SMOC2: variants seen among roughly 807,000 people sequenced by gnomAD.
SMOC2 encodes SPARC-related modular calcium-binding protein 2.
In SMOC2, 39 loss-of-function variants were observed where a neutral mutation model predicts 61.4. The ratio of observed to expected loss-of-function variants is 0.64; its 90% CI spans 0.49 to 0.83. The LOEUF (loss-of-function observed/expected upper bound fraction) is 0.83, where lower values mean the gene tolerates loss of function less well. Ranked by LOEUF, SMOC2 falls within the 40% of genes least tolerant of loss-of-function variation. The probability of loss-of-function intolerance (pLI) is 0.00; values close to 1 mark genes in which losing one functional copy is unlikely to be tolerated. For missense variants in SMOC2, 556 were observed against 592.9 expected, an observed-to-expected ratio of 0.94 and a Z score of 0.65; for synonymous variants, 247 against 239.9, an observed-to-expected ratio of 1.03 and a Z score of -0.27.
chr6:168,569,718 A>G (rs1784622654), intron 7 of SMOC2, among the ~76,000 whole-genome samples: 1 of 152,206 alleles, frequency 6.6e-6, no homozygotes, highest in African/African-American at 2.4e-5. Context: ...TGCTGGGATT[A>G]CAGGTACGAG....
At chr6:168,543,732 T>C (rs1237827170) in intron 5 of SMOC2, 60 bp downstream of exon 5, 4 of 1,496,336 alleles carry the variant, frequency 2.7e-6, no homozygotes, top group Non-Finnish European at 3.7e-6. Flanking sequence ...TCCCGTGAAA[T>C]AACTTCTCAA....
At chr6:168,595,334 A>G (rs1180672328) in intron 7 of SMOC2, among the ~76,000 whole-genome samples, 1 of 152,126 alleles carries the variant, frequency 6.6e-6, no homozygotes, top group African/African-American at 2.4e-5. Context: ...CAAGACGGAA[A>G]TCTCCCGTGC....
chr6:168,496,971 G>A (rs1265965692), intron 1 of SMOC2, among the ~76,000 whole-genome samples: 1 of 152,230 alleles, frequency 6.6e-6, no homozygotes, highest in Non-Finnish European at 1.5e-5. Context: ...TCCTCCAGGC[G>A]AGGGGAAGAT....
chr6:168,467,127 G>T (rs1192184314), intron 1 of SMOC2, among the ~76,000 whole-genome samples: 1 of 131,570 alleles, frequency 7.6e-6, no homozygotes, highest in African/African-American at 2.9e-5. Flanking sequence ...TAACAAATCA[G>T]TGCTCTCAAA....
intron 1 of SMOC2, among the ~76,000 whole-genome samples, chr6:168,509,498 T>C (rs1782954833): frequency 6.6e-6 from 1 of 152,192 alleles, no homozygotes; most frequent in South Asian, 2.1e-4. Flanking sequence ...ACATTCCTGA[T>C]ACTCGTCACT....
chr6:168,600,939 C>T (rs1032230709), intron 8 of SMOC2, among the ~76,000 whole-genome samples: 6 of 152,102 alleles, frequency 3.9e-5, no homozygotes, highest in Admixed American at 1.3e-4. Context: ...ATTGTATAAC[C>T]GTGAGTAGAA....
At position 168,530,268 on chromosome 6, in the gene SMOC2, A is replaced by G. The variant is rs141855119; in HGVS notation, c.463+2541A>G. Among the ~76,000 whole-genome samples the G allele has an allele frequency of 4.2e-3, 642 of 152,300 alleles. 2 individuals are homozygous for G. The highest frequency in any genetic ancestry group is 0.014 in the African/African-American group (582 of 41,572). On this transcript the variant is annotated intron_variant, in intron 4 of 12. Coordinates refer to ENST00000356284, the MANE Select transcript of SMOC2 (RefSeq NM_001166412.2). The stretch of plus-strand genomic sequence containing the variant: ...CTGGCATGATTCCTGGAGAGCAGAG[A>G]AAGCCCTTGCCCCAAAGCCTCCCAG...
intron 2 of SMOC2, among the ~76,000 whole-genome samples, chr6:168,512,330 C>T (rs969196079): frequency 1.3e-5 from 2 of 152,144 alleles, no homozygotes; most frequent in Non-Finnish European, 1.5e-5. Context: ...ATCCCAGCAC[C>T]CGCCTTGTGC....
At chr6:168,637,919 GGAGCTGGATGCTGAGCT>G (rs1691024674) in intron 9 of SMOC2, among the ~76,000 whole-genome samples, 1 of 102,102 alleles carries the variant, frequency 9.8e-6, no homozygotes, top group African/African-American at 2.9e-5. Context: ...ATGCTGAGCT[GGAGCTGGATGCTGAGCT>G]GGAGCTGGAT....
At position 168,441,450 on chromosome 6, in the gene SMOC2, T is replaced by C; in HGVS notation, c.80T>C (p.Leu27Pro). 1 of 1,506,914 alleles carries C rather than the reference T, an allele frequency of 6.6e-7. No individual in the cohort carries two copies. 93.3% of individuals were successfully genotyped at this position (1,506,914 alleles called of 1,614,324 possible). Residue 27 changes from leucine to proline, a missense_variant, in exon 1 of 13, where the codon CTC (leucine) becomes CCC (proline). Transcript: ENST00000356284. ...PPVPAQKFSA[L>P]TFLRVDQDKD... Reference sequence around the variant, plus strand: ...GTGCCCGCTCAGAAGTTCTCGGCGCTCACGGTAAGCCCGGGCCCGCGGGAC... The same window carrying C: ...GTGCCCGCTCAGAAGTTCTCGGCGCCCACGGTAAGCCCGGGCCCGCGGGAC...
chr6:168,629,324 G>A (rs1271618451), intron 9 of SMOC2, among the ~76,000 whole-genome samples: 1 of 152,234 alleles, frequency 6.6e-6, no homozygotes, highest in Non-Finnish European at 1.5e-5. Flanking sequence ...CATGGGAAGG[G>A]ATCAAGATAG....
chr6:168,664,006 T>C (rs1787587516), intron 11 of SMOC2, 68 bp from the exon 12 acceptor site: 2 of 1,347,814 alleles, frequency 1.5e-6, no homozygotes, highest in East Asian at 2.3e-5. Context: ...CTTCCTGAAA[T>C]TGTGTTGAAC....
At chr6:168,602,154 T>G (rs2342635) in intron 8 of SMOC2, among the ~76,000 whole-genome samples, 135,558 of 152,162 alleles carry the variant, frequency 0.89, 60,471 homozygotes, top group Middle Eastern at 0.97. Context: ...TTTACACTCT[T>G]CCAGGGGGGT....
chr6:168,444,454 T>C (rs546598020), intron 1 of SMOC2, among the ~76,000 whole-genome samples: 131 of 152,308 alleles, frequency 8.6e-4, no homozygotes, highest in Non-Finnish European at 2.5e-4. Context: ...ATGATCTCTC[T>C]TCTTTCCACC....
At position 168,517,520 on chromosome 6, in the gene SMOC2, T is replaced by C. The variant is rs1783172200; in HGVS notation, c.256+7434T>C. 2.6e-5 allele frequency among the ~76,000 whole-genome samples: 4 copies of C among 152,150 alleles called. No homozygotes were observed. The South Asian group carries it at 8.3e-4, about 32-fold the overall frequency. On this transcript the variant is annotated intron_variant, in intron 2 of 12. Transcript: ENST00000356284. Reference sequence around the variant, plus strand: ...CCCTGCCGGGGGAGCAGCTTTGCCATCCTTTGAATCAGCAGCGACAGCTCT... The same window carrying C: ...CCCTGCCGGGGGAGCAGCTTTGCCACCCTTTGAATCAGCAGCGACAGCTCT...
intron 1 of SMOC2, among the ~76,000 whole-genome samples, chr6:168,485,050 T>C (rs1372952755): frequency 1.3e-5 from 2 of 152,214 alleles, no homozygotes; most frequent in South Asian, 4.1e-4. Flanking sequence ...ATGATGAATG[T>C]ATTTAATATC....
At chr6:168,489,638 A>G (rs1040398576) in intron 1 of SMOC2, among the ~76,000 whole-genome samples, 3 of 137,724 alleles carry the variant, frequency 2.2e-5, no homozygotes, top group Admixed American at 7.2e-5. Flanking sequence ...CTGTTTTAGA[A>G]TGAAATATAT....
chr6:168,446,757 A>C (rs184853871), intron 1 of SMOC2, among the ~76,000 whole-genome samples: 1 of 152,358 alleles, frequency 6.6e-6, no homozygotes, highest in East Asian at 1.9e-4. Context: ...AGATTGTAAT[A>C]AAACAAATAA....
At chr6:168,599,396 AC>A in intron 8 of SMOC2, among the ~76,000 whole-genome samples, 1 of 90,094 alleles carries the variant, frequency 1.1e-5, no homozygotes, top group African/African-American at 3.9e-5. Flanking sequence ...ACTCACACAC[AC>A]ACTGACACAC....
Sources: gnomAD v4.1 joint callset for allele counts (sites outside exome capture counted in the v4.1 genomes callset) on GRCh38, gnomAD v4.1.1 for gene constraint, MANE v1.5 for transcripts, NCBI Gene and HGNC (gene_info 2026-07-23, HGNC 2026-07-21) for gene names.